Variants in MCUB observed in about 807,000 individuals in gnomAD.
MCUB encodes the protein mitochondrial calcium uniporter dominant negative subunit beta, also known as calcium uniporter regulatory subunit MCUb, mitochondrial.
MCUB carries 46 observed loss-of-function variants against 41.4 expected under a neutral mutation model. The ratio of observed to expected loss-of-function variants is 1.11; its 90% CI spans 0.88 to 1.42. The LOEUF is 1.42. MCUB is among the 40% of genes most tolerant of loss of function. The probability of loss-of-function intolerance (pLI) is 0.00; values close to 1 mark genes in which losing one functional copy is unlikely to be tolerated. For synonymous variants in MCUB, 148 were observed against 148.2 expected (o/e 1.00, Z 0.01); for missense variants, 403 against 404.9 (o/e 1.00, Z 0.04).
intron 3 of MCUB, among the ~76,000 whole-genome samples, chr4:109,662,239 T>C (rs1729246412): frequency 6.6e-6 from 1 of 152,238 alleles, no homozygotes; most frequent in Non-Finnish European, 1.5e-5. Context: ...TCCTAATATT[T>C]CATCCTTGAA....
intron 1 of MCUB, among the ~76,000 whole-genome samples, chr4:109,572,661 A>G (rs1726940612): frequency 6.7e-6 from 1 of 149,904 alleles, no homozygotes; most frequent in South Asian, 2.1e-4. Flanking sequence ...ATGACTTCAT[A>G]TAATGAAGTC....
intron 1 of MCUB, among the ~76,000 whole-genome samples, chr4:109,599,750 C>A (rs960860351): frequency 2.0e-5 from 3 of 152,032 alleles, no homozygotes; most frequent in Non-Finnish European, 4.4e-5. Context: ...CTCACTGCAA[C>A]CTCTACCTCC....
chr4:109,609,384 A>T (rs914636856), intron 1 of MCUB, among the ~76,000 whole-genome samples: 8 of 152,190 alleles, frequency 5.3e-5, no homozygotes, highest in Non-Finnish European at 1.2e-4. Context: ...TGACTTCCTG[A>T]CATTGCTATG....
intron 1 of MCUB, among the ~76,000 whole-genome samples, chr4:109,621,665 T>C (rs1728252460): frequency 6.6e-6 from 1 of 152,172 alleles, no homozygotes; most frequent in Admixed American, 6.5e-5. Context: ...TCCCTTAAGC[T>C]TCTACACTGT....
intron 1 of MCUB, among the ~76,000 whole-genome samples, chr4:109,586,413 G>A (rs1014318203): frequency 1.1e-4 from 16 of 152,046 alleles, no homozygotes; most frequent in South Asian, 2.1e-4. Flanking sequence ...TCTTTAGCTC[G>A]GAGTAGTTTG....
chr4:109,685,460 A>G, intron 7 of MCUB, 93 bp downstream of exon 7: 1 of 603,138 alleles, frequency 1.7e-6, no homozygotes. Flanking sequence ...CACAAATTAA[A>G]TCTTGGTCCT....
rs138984461 is a variant in MCUB at position 109,578,738 on chromosome 4, G to A, written c.99+18302G>A. ...CACACGCTGGTCTCGAACTCCTGGCGCAAGTGCTTCTCCTGCCTCGGCCTC... is the reference window on the plus strand; with the variant it reads ...CACACGCTGGTCTCGAACTCCTGGCACAAGTGCTTCTCCTGCCTCGGCCTC... On this transcript the variant is annotated intron_variant, in intron 1 of 7. Coordinates refer to ENST00000394650, the MANE Select transcript of MCUB (RefSeq NM_017918.5). Among the ~76,000 whole-genome samples, 299 of 152,126 alleles carry A rather than the reference G, an allele frequency of 2.0e-3. 1 individual carries two copies. Among genetic ancestry groups the A allele is most frequent in the African/African-American group, 4.8e-3 (200 of 41,496 alleles).
intron 1 of MCUB, among the ~76,000 whole-genome samples, chr4:109,608,796 C>T (rs1316964323): frequency 2.6e-5 from 4 of 152,168 alleles, no homozygotes; most frequent in African/African-American, 4.8e-5. Context: ...CCACCATACC[C>T]GGCCTGAAGA....
intron 1 of MCUB, among the ~76,000 whole-genome samples, chr4:109,650,282 A>G (rs1728933523): frequency 6.6e-6 from 1 of 152,218 alleles, no homozygotes; most frequent in Non-Finnish European, 1.5e-5. Flanking sequence ...GATTGTCAAT[A>G]TTCTTGGGGT....
At chr4:109,684,917 A>T in intron 6 of MCUB, 1 of 382,552 alleles carries the variant, frequency 2.6e-6, no homozygotes, top group East Asian at 4.2e-5. Flanking sequence ...TTATAAAAAA[A>T]ACTGAATTTG....
chr4:109,590,165 C>T (rs972197175), intron 1 of MCUB, among the ~76,000 whole-genome samples: 3 of 144,418 alleles, frequency 2.1e-5, no homozygotes, highest in Admixed American at 7.3e-5. Context: ...TAGAAATAAT[C>T]GTTAATTTTT....
chr4:109,609,944 T>G (rs1038785198), intron 1 of MCUB, among the ~76,000 whole-genome samples: 5 of 152,196 alleles, frequency 3.3e-5, no homozygotes, highest in African/African-American at 1.2e-4. Flanking sequence ...GAAATCTGCC[T>G]GGTTCTCTGT....
At chr4:109,674,094 T>C in intron 4 of MCUB, 6 of 1,465,558 alleles carry the variant, frequency 4.1e-6, no homozygotes, top group Non-Finnish European at 4.8e-6. Context: ...ATTCCATGTA[T>C]CGGGAATTCT....
chr4:109,684,580 A>G lies in MCUB; in HGVS notation c.750A>G (p.Pro250=), dbSNP rs754816943. 6.0e-5 allele frequency: 96 copies of G among 1,604,630 alleles called. No homozygotes were observed. The highest frequency in any genetic ancestry group is 5.5e-4 in the South Asian group (50 of 90,868). The part of the protein sequence containing the change: ...WWVYSWDIME[P]VTYFITFANS... Reference sequence around the variant, plus strand: ...TGTACTCCTGGGATATCATGGAGCCAGTTACATACTTCATCACATTTGCAA... The same window carrying G: ...TGTACTCCTGGGATATCATGGAGCCGGTTACATACTTCATCACATTTGCAA... Residue 250 remains proline (P), a synonymous_variant, in exon 6 of 8, where the codon CCA becomes CCG. Coordinates refer to ENST00000394650, the MANE Select transcript of MCUB (RefSeq NM_017918.5).
At position 109,664,376 on chromosome 4, in the gene MCUB, G is replaced by A. The variant is rs759455083; in HGVS notation, c.433G>A (p.Val145Met). ...TGTCATTAATAAAATAGCATATGAT[G>A]TGCAGTGTCCAAAGAGAGGTAAGAA... is the stretch of plus-strand genomic sequence containing the variant. ...KLVINKIAYD[V>M]QCPKREKPSN... is the part of the protein sequence containing the mutation. The change falls in exon 4 of 8, where the codon GTG becomes ATG. Residue 145 changes from valine to methionine, a missense_variant. Physicochemically the swap from Val to Met is conservative, Grantham distance 21. Coordinates refer to ENST00000394650, the MANE Select transcript of MCUB (RefSeq NM_017918.5). 1.4e-5 allele frequency: 20 copies of A among 1,435,644 alleles called. No individual in the cohort carries two copies. In the South Asian group the frequency reaches 2.0e-4, roughly 14 times the overall value. 88.9% of individuals were successfully genotyped at this position (1,435,644 alleles called of 1,614,324 possible).
At position 109,682,612 on chromosome 4, in the gene MCUB, TG is replaced by T. The variant is rs1561252595; in HGVS notation, c.484del (p.Glu162AsnfsTer3). 6.2e-7 allele frequency: 1 copy of T among 1,613,222 alleles called. No homozygotes were observed. Among genetic ancestry groups the T allele is most frequent in the Admixed American group, 1.7e-5 (1 of 59,890 alleles). On this transcript the variant is annotated frameshift_variant, in exon 5 of 8. Coordinates refer to ENST00000394650, the MANE Select transcript of MCUB (RefSeq NM_017918.5). LOFTEE classifies it high-confidence loss of function. ...EKPSNEHTAE[M>X]EHMKSLVHRL... ...CCAAGTAATGAGCACACTGCTGAGA[TG>T]GAACACATGAAATCTTTGGTTCACA...
At chr4:109,641,809 G>A (rs1347303503) in intron 1 of MCUB, among the ~76,000 whole-genome samples, 2 of 152,196 alleles carry the variant, frequency 1.3e-5, no homozygotes, top group African/African-American at 4.8e-5. Context: ...TTACAACAGA[G>A]GGTGTAGCAA....
intron 4 of MCUB, among the ~76,000 whole-genome samples, chr4:109,667,540 C>T (rs1199951398): frequency 6.6e-6 from 1 of 151,224 alleles, no homozygotes; most frequent in Non-Finnish European, 1.5e-5. Flanking sequence ...TAGCTTTTAA[C>T]ATCATTGATT....
chr4:109,614,642 G>A (rs553533539), intron 1 of MCUB, among the ~76,000 whole-genome samples: 53 of 149,620 alleles, frequency 3.5e-4, no homozygotes, highest in Middle Eastern at 3.4e-3. Flanking sequence ...CAGCATCCTA[G>A]ATTGACTGAG....
Sources: gnomAD v4.1 joint callset for allele counts (sites outside exome capture counted in the v4.1 genomes callset) on GRCh38, gnomAD v4.1.1 for gene constraint, MANE v1.5 for transcripts, NCBI Gene and HGNC (gene_info 2026-07-23, HGNC 2026-07-21) for gene names.